The following CUX1 variants were observed in gnomAD, a reference collection of about 807,000 sequenced individuals.
CUX1 encodes the protein protein CASP.
In CUX1, 31 loss-of-function variants were observed where a neutral mutation model predicts 158.8. The observed-to-expected ratio is 0.20, with a 90% CI of 0.15 to 0.26. The LOEUF is 0.26. CUX1 is among the 10% of genes least tolerant of loss of function. The pLI is 1.00. For missense variants in CUX1, 1,589 were observed against 2,014.6 expected, an observed-to-expected ratio of 0.79 and a Z score of 4.04; for synonymous variants, 879 against 862.1, an observed-to-expected ratio of 1.02 and a Z score of -0.34.
At position 102,249,830 on chromosome 7, in the gene CUX1, T is replaced by C. The variant is rs782275416; in HGVS notation, c.*788T>C. ...AAAAGAATCTTCTCGTTTGAAACTT[T>C]GAATTAAAATAAAACACATTTACTC... On this transcript the variant is annotated 3_prime_UTR_variant, in exon 24 of 24. Transcript: ENST00000292535. 1.9e-4 allele frequency: 183 copies of C among 985,540 alleles called. No homozygotes were observed. Among genetic ancestry groups the C allele is most frequent in the Non-Finnish European group, 2.1e-4 (172 of 829,758 alleles). The allele number at this position is 985,540 out of a possible 1,614,324, so 61.0% of individuals were successfully genotyped here. A position where few individuals can be genotyped will look rare whatever the true frequency, so the allele number is the denominator to read the frequency against.
At chr7:101,894,789 G>A (rs947873347) in intron 1 of CUX1, among the ~76,000 whole-genome samples, 3 of 152,170 alleles carry the variant, frequency 2.0e-5, no homozygotes, top group African/African-American at 4.8e-5. Flanking sequence ...GTGGAGGAGG[G>A]TACTGTTTAA....
At position 102,195,521 on chromosome 7, in the gene CUX1, C is replaced by T. The variant is rs1554518003; in HGVS notation, c.1140C>T (p.Pro380=). The T allele has an allele frequency of 2.5e-6, 4 of 1,612,484 alleles. No individual in the cohort carries two copies. The highest frequency in any genetic ancestry group is 4.5e-5 in the East Asian group (2 of 44,842). ...GCCCCTTCTAGGATGCGGCCAAGCC[C>T]CTGGAGGTGCTGTTGCTGGAGAAGA... ...EGAGTQDAAK[P]LEVLLLEKNR... The change falls in exon 14 of 24, where the codon CCC becomes CCT. Residue 380 remains proline (P), a synonymous_variant. Transcript: ENST00000292535.
intron 1 of CUX1, among the ~76,000 whole-genome samples, chr7:101,887,187 C>T (rs375026508): frequency 3.3e-5 from 5 of 152,166 alleles, no homozygotes; most frequent in African/African-American, 9.7e-5. Flanking sequence ...AGGGGCAGCC[C>T]CTGAATAGGG....
At chr7:101,874,098 T>C (rs1036110849) in intron 1 of CUX1, among the ~76,000 whole-genome samples, 6 of 152,224 alleles carry the variant, frequency 3.9e-5, no homozygotes, top group African/African-American at 1.4e-4. Context: ...GCCAGGAGTC[T>C]GGAATGGTTT....
intron 21 of CUX1, 105 bp from the exon 22 acceptor site, chr7:102,233,947 G>A (rs78876017): frequency 0.057 from 50,847 of 893,922 alleles, 1,982 homozygotes; most frequent in African/African-American, 0.17. Flanking sequence ...GCCCAACCCT[G>A]AGCCTTTAAA....
intron 23 of CUX1, among the ~76,000 whole-genome samples, chr7:102,243,920 T>G (rs1554535925): frequency 6.6e-6 from 1 of 151,750 alleles, no homozygotes; most frequent in East Asian, 1.9e-4. Flanking sequence ...CCAGCTACTC[T>G]AGAGGCTGAG....
At chr7:101,953,562 C>T (rs1336940578) in intron 2 of CUX1, among the ~76,000 whole-genome samples, 2 of 152,182 alleles carry the variant, frequency 1.3e-5, no homozygotes, top group African/African-American at 4.8e-5. Context: ...GAAGAGTGGC[C>T]TCTCCATCTT....
At chr7:101,856,182 CAAAAAAAAAAAA>C (rs768518044) in intron 1 of CUX1, among the ~76,000 whole-genome samples, 2 of 48,040 alleles carry the variant, frequency 4.2e-5, no homozygotes, top group African/African-American at 1.5e-4. Flanking sequence ...GACCCTGTCT[CAAAAAAAAAAAA>C]AAAAAAAAAA....
chr7:102,123,350 C>A (rs1222319674), intron 8 of CUX1, among the ~76,000 whole-genome samples: 1 of 152,064 alleles, frequency 6.6e-6, no homozygotes, highest in Non-Finnish European at 1.5e-5. Context: ...TGGCTCATGC[C>A]TGTAATCCCA....
chr7:101,925,312 T>C (rs1408902198), intron 2 of CUX1, among the ~76,000 whole-genome samples: 1 of 152,198 alleles, frequency 6.6e-6, no homozygotes, highest in East Asian at 1.9e-4. Context: ...GGTTTCACCA[T>C]GTTGGCCAGG....
chr7:102,146,799 T>A (rs1554502180), intron 8 of CUX1, among the ~76,000 whole-genome samples: 1 of 152,182 alleles, frequency 6.6e-6, no homozygotes, highest in African/African-American at 2.4e-5. Context: ...GGTTTCACCA[T>A]GTTGGCCAGG....
At chr7:102,216,530 C>CCCCACACACACACACACCCCCACACACT (rs1563424380) in intron 20 of CUX1, among the ~76,000 whole-genome samples, 1 of 85,544 alleles carries the variant, frequency 1.2e-5, no homozygotes, top group Non-Finnish European at 2.1e-5. Context: ...ACACACTCTC[C>CCCCACACACACACACACCCCCACACACT]CCCCCACACA....
rs537120419 is a variant in CUX1, at chr7:102,077,363, G to A, written c.268+6946G>A. Among the ~76,000 whole-genome samples, 205 of 151,898 alleles carry A rather than the reference G, an allele frequency of 1.3e-3. 1 individual carries two copies. Among genetic ancestry groups the A allele is most frequent in the Non-Finnish European group, 2.6e-3 (175 of 67,986 alleles). ...CAGCCAAGCCCTGCAGCAGCCAGAC[G>A]GAGACACTGAAGTAGTCAGAGGGGC... On this transcript the variant is annotated intron_variant, in intron 4 of 23. Transcript: ENST00000292535.
At position 102,248,632 on chromosome 7, in the gene CUX1, G is replaced by A. The variant is rs1554537964; in HGVS notation, c.4108G>A (p.Ala1370Thr). Residue 1370 changes from alanine (A) to threonine (T), a missense_variant, in exon 24 of 24, where the codon GCG (alanine) becomes ACG (threonine). Coordinates refer to ENST00000292535, the MANE Select transcript of CUX1 (RefSeq NM_181552.4). This position sits in a 1 kb window ranked among gnomAD's most constrained non-coding sequence, Gnocchi z 5.8. ...EAEREEVPRP[A>T]EQTEPPPSGT... is the part of the protein sequence containing the mutation. Reference sequence around the variant, plus strand: ...CGAGCGGGAGGAGGTGCCGCGGCCGGCGGAGCAGACGGAGCCGCCGCCCTC... The same window carrying A: ...CGAGCGGGAGGAGGTGCCGCGGCCGACGGAGCAGACGGAGCCGCCGCCCTC... The A allele has an allele frequency of 2.1e-6, 3 of 1,414,962 alleles. No individual in the cohort carries two copies. The highest frequency in any genetic ancestry group is 1.8e-6 in the Non-Finnish European group (2 of 1,089,156). The allele number at this position is 1,414,962 out of a possible 1,614,324, so 87.7% of individuals were successfully genotyped here. A position where few individuals can be genotyped will look rare whatever the true frequency, so the allele number is the denominator to read the frequency against.
chr7:102,199,344 T>G (rs1430686778), intron 16 of CUX1, among the ~76,000 whole-genome samples: 3 of 152,208 alleles, frequency 2.0e-5, no homozygotes, highest in Non-Finnish European at 4.4e-5. Context: ...TTGTTTTGAA[T>G]GCAGTGGTTC....
At chr7:101,969,359 C>CAAAA (rs10711703) in intron 2 of CUX1, among the ~76,000 whole-genome samples, 17 of 56,100 alleles carry the variant, frequency 3.0e-4, no homozygotes, top group East Asian at 2.1e-3. Context: ...CAAAAAACAG[C>CAAAA]AAAAAAAAAA....
chr7:102,108,432 C>T lies in CUX1; in HGVS notation c.531-3266C>T, dbSNP rs368709745. On this transcript the variant is annotated intron_variant, in intron 6 of 23. Transcript: ENST00000292535. ...ACAATCTCAGCTCACTGCAACCCTC[C>T]GCTCCAGGTTGAAGTGATTCTCCTG... Among the ~76,000 whole-genome samples, 40 of 151,848 alleles carry T rather than the reference C, an allele frequency of 2.6e-4. 1 individual carries two copies. Among genetic ancestry groups the T allele is most frequent in the East Asian group, 2.1e-3 (11 of 5,136 alleles).
intron 2 of CUX1, chr7:101,960,541 T>A (rs1810347924): frequency 6.6e-6 from 1 of 152,106 alleles, no homozygotes; most frequent in African/African-American, 2.4e-5. Flanking sequence ...CTTCGGAGGC[T>A]GAGGTGGGAG....
intron 2 of CUX1, among the ~76,000 whole-genome samples, chr7:102,003,863 T>C (rs12668172): frequency 0.42 from 64,134 of 152,048 alleles, 13,810 homozygotes; most frequent in East Asian, 0.64. Context: ...TTATAAGGTG[T>C]TTAGTTCTAG....
Sources: gnomAD v4.1 joint callset for allele counts (sites outside exome capture counted in the v4.1 genomes callset) on GRCh38, gnomAD v4.1.1 for gene constraint, Gnocchi (gnomAD v3.1) non-coding constraint, MANE v1.5 for transcripts, NCBI Gene and HGNC (gene_info 2026-07-23, HGNC 2026-07-21) for gene names.